The following JAZF1 variants were observed in gnomAD, a reference collection of about 807,000 sequenced individuals.
JAZF1 encodes the protein JAZF zinc finger 1.
In JAZF1, 8 loss-of-function variants were observed where a neutral mutation model predicts 26.4. That is an observed-to-expected ratio of 0.30 (90% CI 0.18 to 0.55). JAZF1 has a LOEUF of 0.55. JAZF1 is among the 20% of genes least tolerant of loss of function. JAZF1 has a pLI of 0.94. For missense variants in JAZF1, 199 were observed against 322.0 expected (o/e 0.62, Z 2.92); for synonymous variants, 126 against 122.3 (o/e 1.03, Z -0.20).
At chr7:27,859,809 G>GTA (rs1356967098) in intron 3 of JAZF1, among the ~76,000 whole-genome samples, 1 of 152,170 alleles carries the variant, frequency 6.6e-6, no homozygotes, top group Admixed American at 6.5e-5. Context: ...CATGGCATGT[G>GTA]TATAGCTATG....
intron 2 of JAZF1, among the ~76,000 whole-genome samples, chr7:27,976,854 GA>G (rs949675588): frequency 6.6e-6 from 1 of 152,168 alleles, no homozygotes; most frequent in African/African-American, 2.4e-5. Context: ...GAGTCCAACT[GA>G]AACACCAAGA....
chr7:27,927,726 A>G (rs1439599515), intron 2 of JAZF1, among the ~76,000 whole-genome samples: 1 of 152,178 alleles, frequency 6.6e-6, no homozygotes, highest in Non-Finnish European at 1.5e-5. Flanking sequence ...AAAAAGAACT[A>G]TGAAGAGAAG....
intron 1 of JAZF1, among the ~76,000 whole-genome samples, chr7:28,095,359 G>C (rs1310846412): frequency 6.6e-6 from 1 of 152,140 alleles, no homozygotes; most frequent in Non-Finnish European, 1.5e-5. Flanking sequence ...GATCATGGCG[G>C]ATGGTGAAGG....
intron 1 of JAZF1, among the ~76,000 whole-genome samples, chr7:28,100,680 A>C (rs186757720): frequency 2.8e-4 from 43 of 152,142 alleles, no homozygotes; most frequent in Admixed American, 2.2e-3. Flanking sequence ...TCTAGACTCA[A>C]ACTTAAAGAA....
chr7:27,907,531 G>A (rs916854), intron 2 of JAZF1, among the ~76,000 whole-genome samples: 145,014 of 152,294 alleles, frequency 0.95, 69,152 homozygotes, highest in East Asian at 1. Context: ...AAAGAAAAGT[G>A]CTTCTCTGAT....
At chr7:27,969,572 C>T (rs772531152) in intron 2 of JAZF1, among the ~76,000 whole-genome samples, 4 of 152,162 alleles carry the variant, frequency 2.6e-5, no homozygotes, top group South Asian at 2.1e-4. Flanking sequence ...AAGACTGACA[C>T]GAGTGCAATG....
At chr7:27,927,112 A>C (rs762737318) in intron 2 of JAZF1, among the ~76,000 whole-genome samples, 3 of 152,192 alleles carry the variant, frequency 2.0e-5, no homozygotes, top group Non-Finnish European at 2.9e-5. Flanking sequence ...AAGTTGAGGA[A>C]CAGGGAGAAG....
chr7:27,884,649 T>C (rs1287446789), intron 3 of JAZF1, among the ~76,000 whole-genome samples: 3 of 152,236 alleles, frequency 2.0e-5, no homozygotes, highest in Non-Finnish European at 4.4e-5. Flanking sequence ...CTCAGCATAA[T>C]GTTTTTGAGA....
chr7:27,916,879 T>C (rs1344376208), intron 2 of JAZF1, among the ~76,000 whole-genome samples: 1 of 152,226 alleles, frequency 6.6e-6, no homozygotes, highest in Non-Finnish European at 1.5e-5. Flanking sequence ...CCACAAGTAG[T>C]GATTTGGGGA....
At chr7:27,879,153 T>G (rs1186112252) in intron 3 of JAZF1, among the ~76,000 whole-genome samples, 1 of 152,226 alleles carries the variant, frequency 6.6e-6, no homozygotes, top group Non-Finnish European at 1.5e-5. Context: ...TGTTTTCTCA[T>G]AACCATGATA....
At chr7:27,898,304 T>TACACAC (rs1554274076) in intron 2 of JAZF1, among the ~76,000 whole-genome samples, 7 of 128,932 alleles carry the variant, frequency 5.4e-5, no homozygotes, top group South Asian at 2.4e-4. Flanking sequence ...TATATATATA[T>TACACAC]ACATCGGTTT....
chr7:28,055,525 T>G (rs78359728), intron 1 of JAZF1, among the ~76,000 whole-genome samples: 1 of 152,192 alleles, frequency 6.6e-6, no homozygotes, highest in Non-Finnish European at 1.5e-5. Context: ...GTTAAACATA[T>G]GTATGTATAC....
chr7:27,884,503 A>G (rs1783825657), intron 3 of JAZF1, among the ~76,000 whole-genome samples: 1 of 151,654 alleles, frequency 6.6e-6, no homozygotes, highest in Non-Finnish European at 1.5e-5. Flanking sequence ...GAATATATCC[A>G]TCACTCAAGA....
chr7:27,968,271 T>A (rs1785313641), intron 2 of JAZF1, among the ~76,000 whole-genome samples: 1 of 152,172 alleles, frequency 6.6e-6, no homozygotes, highest in Non-Finnish European at 1.5e-5. Context: ...ATACATAATA[T>A]AATTAGTCCC....
At chr7:28,142,127 C>T (rs1782967851) in intron 1 of JAZF1, among the ~76,000 whole-genome samples, 1 of 152,128 alleles carries the variant, frequency 6.6e-6, no homozygotes. Context: ...TAATGATGTT[C>T]AAGCATTTTT....
At chr7:27,849,741 C>T (rs943961078) in intron 3 of JAZF1, among the ~76,000 whole-genome samples, 2 of 57,058 alleles carry the variant, frequency 3.5e-5, no homozygotes, top group African/African-American at 9.4e-5. Context: ...ATATTGGAAC[C>T]CTTACACACA....
chr7:27,876,589 C>T (rs1436177873), intron 3 of JAZF1, among the ~76,000 whole-genome samples: 1 of 152,170 alleles, frequency 6.6e-6, no homozygotes, highest in South Asian at 2.1e-4. Flanking sequence ...TTTTGCCAGC[C>T]TAGTTTCTTA....
chr7:28,004,987 G>A (rs1289895065), intron 1 of JAZF1, among the ~76,000 whole-genome samples: 1 of 152,150 alleles, frequency 6.6e-6, no homozygotes, highest in Non-Finnish European at 1.5e-5. Flanking sequence ...TGGGACTCAG[G>A]TTTATTTCCA....
chr7:28,003,868 G>T lies in JAZF1; in HGVS notation c.116-11887C>A, dbSNP rs978446349. Among the ~76,000 whole-genome samples, 11 of 152,266 alleles carry T rather than the reference G, an allele frequency of 7.2e-5. No homozygotes were observed. In the East Asian group the frequency reaches 1.7e-3, roughly 24 times the overall value. ...ACAAGCTGGGAGTCTAGAAGGAAAA[G>T]AAGTCTATAAAGAAGTAAGCCCAAT... is the stretch of plus-strand genomic sequence containing the variant. On this transcript the variant is annotated intron_variant, in intron 1 of 4. Coordinates refer to ENST00000283928, the MANE Select transcript of JAZF1 (RefSeq NM_175061.4).
Sources: gnomAD v4.1 joint callset for allele counts (sites outside exome capture counted in the v4.1 genomes callset) on GRCh38, gnomAD v4.1.1 for gene constraint, MANE v1.5 for transcripts, NCBI Gene and HGNC (gene_info 2026-07-23, HGNC 2026-07-21) for gene names.